Variants in TNKS observed in about 807,000 individuals in gnomAD.
TNKS encodes tankyrase.
In TNKS, 72 loss-of-function variants were observed where a neutral mutation model predicts 135.8. The ratio of observed to expected loss-of-function variants is 0.53; its 90% CI spans 0.44 to 0.64. The LOEUF (loss-of-function observed/expected upper bound fraction) is 0.64, where lower values mean the gene tolerates loss of function less well. Ranked by LOEUF, TNKS falls within the 30% of genes least tolerant of loss-of-function variation. The pLI is 0.00. For missense variants in TNKS, 1,769 were observed against 1,674.0 expected, an observed-to-expected ratio of 1.06 and a Z score of -0.99; for synonymous variants, 849 against 649.3, an observed-to-expected ratio of 1.31 and a Z score of -4.68.
At chr8:9,597,826 G>A (rs1321761779) in intron 2 of TNKS, among the ~76,000 whole-genome samples, 1 of 152,172 alleles carries the variant, frequency 6.6e-6, no homozygotes, top group African/African-American at 2.4e-5. Flanking sequence ...AAAGAAAAAG[G>A]TGGTCTTTTC....
intron 2 of TNKS, among the ~76,000 whole-genome samples, chr8:9,600,260 A>T (rs1395876503): frequency 6.6e-6 from 1 of 152,176 alleles, no homozygotes; most frequent in Non-Finnish European, 1.5e-5. Flanking sequence ...GCATATTGCC[A>T]TGGCAGACTT....
intron 3 of TNKS, among the ~76,000 whole-genome samples, chr8:9,667,594 G>C (rs1391878585): frequency 1.3e-5 from 2 of 152,154 alleles, no homozygotes; most frequent in Admixed American, 1.3e-4. Flanking sequence ...TGTGATTATT[G>C]TGTATGATTG....
chr8:9,618,707 G>T (rs1202172695), intron 3 of TNKS, among the ~76,000 whole-genome samples: 2 of 152,032 alleles, frequency 1.3e-5, no homozygotes, highest in Non-Finnish European at 2.9e-5. Context: ...CTTTCTGATT[G>T]TAAAAGAAAT....
At chr8:9,675,612 C>T (rs907499980) in intron 3 of TNKS, among the ~76,000 whole-genome samples, 1 of 152,128 alleles carries the variant, frequency 6.6e-6, no homozygotes, top group Non-Finnish European at 1.5e-5. Context: ...TTTTGATGAA[C>T]ATTTTTTGCT....
chr8:9,601,174 G>A (rs1799002716), intron 2 of TNKS, among the ~76,000 whole-genome samples: 2 of 152,074 alleles, frequency 1.3e-5, no homozygotes, highest in East Asian at 1.9e-4. Context: ...TGGAAATCCC[G>A]TTTATTTCAC....
intron 3 of TNKS, among the ~76,000 whole-genome samples, chr8:9,646,163 A>G (rs1029447662): frequency 1.3e-5 from 2 of 152,062 alleles, no homozygotes; most frequent in African/African-American, 2.4e-5. Flanking sequence ...GCTTACTTAC[A>G]TTGCTTGCAT....
chr8:9,562,641 T>C (rs1220349957), intron 1 of TNKS, among the ~76,000 whole-genome samples: 1 of 152,190 alleles, frequency 6.6e-6, no homozygotes, highest in Non-Finnish European at 1.5e-5. Context: ...ATCTACCTCA[T>C]TAACTAATAT....
chr8:9,591,433 A>T (rs986388845), intron 2 of TNKS, among the ~76,000 whole-genome samples: 1 of 152,164 alleles, frequency 6.6e-6, no homozygotes, highest in Admixed American at 6.6e-5. Flanking sequence ...CTTCTCTTGG[A>T]TGGATCCCTG....
Position 9,770,166 on chromosome 8 carries a change from A to G in TNKS, c.3801A>G (p.Lys1267=), listed in dbSNP as rs754770177. Residue 1267 remains lysine (K), a synonymous_variant, in exon 26 of 27, where the codon AAA becomes AAG. Coordinates refer to ENST00000310430, the MANE Select transcript of TNKS (RefSeq NM_003747.3). ...GKSFLQFSTM[K]MAHAPPGHHS... is the part of the protein sequence containing the mutation. ...CCTTTCTGCAGTTTAGCACCATGAA[A>G]ATGGCCCACGCGCCTCCAGGGCACC... 5.0e-6 allele frequency: 8 copies of G among 1,613,428 alleles called. No homozygotes were observed. In the South Asian group the frequency reaches 8.8e-5, roughly 18 times the overall value.
intron 2 of TNKS, among the ~76,000 whole-genome samples, chr8:9,613,814 T>C (rs1799545628): frequency 6.6e-6 from 1 of 152,120 alleles, no homozygotes; most frequent in Non-Finnish European, 1.5e-5. Context: ...AGGATTGAGG[T>C]TTTAGGTGAC....
At chr8:9,680,086 C>G (rs777335632) in intron 4 of TNKS, 99 bp downstream of exon 4, 9 of 861,372 alleles carry the variant, frequency 1.0e-5, no homozygotes, top group Non-Finnish European at 1.7e-5. Flanking sequence ...TATTGTCTTG[C>G]TTGGATTTTA....
At chr8:9,575,063 G>A in intron 1 of TNKS, 2 of 985,238 alleles carry the variant, frequency 2.0e-6, no homozygotes, top group Non-Finnish European at 2.4e-6. Flanking sequence ...GACAAATTGT[G>A]TGAGACAAGT....
chr8:9,679,292 A>G (rs1339833493), intron 3 of TNKS, among the ~76,000 whole-genome samples: 1 of 152,174 alleles, frequency 6.6e-6, no homozygotes, highest in Non-Finnish European at 1.5e-5. Flanking sequence ...ATGTCAGAAT[A>G]TTATTGCCAT....
chr8:9,586,313 G>T (rs1798377229), intron 2 of TNKS, among the ~76,000 whole-genome samples: 2 of 152,146 alleles, frequency 1.3e-5, no homozygotes, highest in Non-Finnish European at 2.9e-5. Context: ...CATAATTAAA[G>T]TTGGTTATCT....
chr8:9,702,801 A>G (rs1016600682), intron 5 of TNKS, among the ~76,000 whole-genome samples: 1 of 152,186 alleles, frequency 6.6e-6, no homozygotes, highest in African/African-American at 2.4e-5. Flanking sequence ...GGATCACTTG[A>G]GGTCAGGAGT....
At chr8:9,679,214 A>G (rs966783659) in intron 3 of TNKS, among the ~76,000 whole-genome samples, 3 of 152,324 alleles carry the variant, frequency 2.0e-5, no homozygotes, top group Admixed American at 2.0e-4. Flanking sequence ...CTCCTTTTAA[A>G]AAATATTTTA....
chr8:9,771,801 T>TAGG (rs137940834), intron 26 of TNKS, among the ~76,000 whole-genome samples: 927 of 8,152 alleles, frequency 0.11, 49 homozygotes, highest in Middle Eastern at 0.5. Flanking sequence ...AGAAGGGAAG[T>TAGG]GGGGGAGGAA....
At position 9,721,549 on chromosome 8, in the gene TNKS, A is replaced by G. The variant is rs187344420; in HGVS notation, c.1921+1004A>G. ...CTGCTATGGAATGAAATGACAAACC[A>G]GAAGAGTAAAATGTAGAAGGCTATA... On this transcript the variant is annotated intron_variant, in intron 12 of 26. Coordinates refer to ENST00000310430, the MANE Select transcript of TNKS (RefSeq NM_003747.3). Among the ~76,000 whole-genome samples, 30 of 150,768 alleles carry G rather than the reference A, an allele frequency of 2.0e-4. No individual in the cohort carries two copies. The East Asian group carries it at 5.6e-3, about 28-fold the overall frequency.
chr8:9,732,477 C>G (rs1242523253), intron 14 of TNKS, among the ~76,000 whole-genome samples: 1 of 151,328 alleles, frequency 6.6e-6, no homozygotes, highest in Non-Finnish European at 1.5e-5. Context: ...TTAAAAGGGA[C>G]ACATCAGACA....
Sources: gnomAD v4.1 joint callset for allele counts (sites outside exome capture counted in the v4.1 genomes callset) on GRCh38, gnomAD v4.1.1 for gene constraint, MANE v1.5 for transcripts, NCBI Gene and HGNC (gene_info 2026-07-23, HGNC 2026-07-21) for gene names.